ACSL1: variants seen among roughly 807,000 people sequenced by gnomAD.
ACSL1 encodes the protein long-chain-fatty-acid--CoA ligase 1.
In ACSL1, 41 loss-of-function variants were observed where a neutral mutation model predicts 98.4. That is an observed-to-expected ratio of 0.42 (90% CI 0.32 to 0.54). The LOEUF (loss-of-function observed/expected upper bound fraction) is 0.54, where lower values mean the gene tolerates loss of function less well. Among genes scored for constraint, ACSL1 ranks in the 20% least tolerant of loss-of-function variants. ACSL1 has a pLI of 0.13. For synonymous variants in ACSL1, 316 were observed against 322.7 expected (o/e 0.98, Z 0.22); for missense variants, 734 against 883.1 (o/e 0.83, Z 2.14).
At chr4:184,787,596 A>G (rs4862420) in intron 3 of ACSL1, among the ~76,000 whole-genome samples, 151,871 of 152,322 alleles carry the variant, frequency 1, 75,712 homozygotes, top group Non-Finnish European at 1. Context: ...GGGCATGGTG[A>G]CTCGCGCCTG....
chr4:184,777,906 A>G (rs1765562578), intron 5 of ACSL1, among the ~76,000 whole-genome samples: 1 of 152,194 alleles, frequency 6.6e-6, no homozygotes, highest in Non-Finnish European at 1.5e-5. Flanking sequence ...GAGAGCACGG[A>G]GCAGCCACTG....
chr4:184,793,196 A>G lies in ACSL1; in HGVS notation c.196-4465T>C, dbSNP rs907720928. Reference sequence around the variant, plus strand: ...TGTGGTTACATAGTGTTCCCAGTTAAAAAAAAAAAAAAAAAAGATAGTGAG... The same window carrying G: ...TGTGGTTACATAGTGTTCCCAGTTAGAAAAAAAAAAAAAAAAGATAGTGAG... On this transcript the variant is annotated intron_variant, in intron 2 of 20. Coordinates refer to ENST00000281455, the MANE Select transcript of ACSL1 (RefSeq NM_001995.5). 9.2e-5 allele frequency among the ~76,000 whole-genome samples: 4 copies of G among 43,520 alleles called. No individual in the cohort carries two copies. In the East Asian group the frequency reaches 1.5e-3, roughly 16 times the overall value. 28.6% of individuals were successfully genotyped at this position (43,520 alleles called of 152,430 possible).
At chr4:184,764,333 T>C (rs572199348) in intron 15 of ACSL1, among the ~76,000 whole-genome samples, 1 of 152,366 alleles carries the variant, frequency 6.6e-6, no homozygotes, top group African/African-American at 2.4e-5. Context: ...TAAGCACCCA[T>C]CACAGAGGCT....
Position 184,803,295 on chromosome 4 carries a change from G to A in ACSL1, c.195+25C>T, listed in dbSNP as rs368299250. On this transcript the variant is annotated intron_variant, in intron 2 of 20. Coordinates refer to ENST00000281455, the MANE Select transcript of ACSL1 (RefSeq NM_001995.5). This position sits in a 1 kb window ranked among gnomAD's most constrained non-coding sequence, Gnocchi z 4.8. ...CTGGGGAAATGCGGAGAAAACGCAC[G>A]AGGCAGGCTGGGCCCTCCACTCACC... 20 of 1,507,878 alleles carry A rather than the reference G, an allele frequency of 1.3e-5. No homozygotes were observed. Among genetic ancestry groups the A allele is most frequent in the East Asian group, 7.1e-5 (3 of 42,378 alleles). The allele number at this position is 1,507,878 out of a possible 1,614,324, so 93.4% of individuals were successfully genotyped here. A position where few individuals can be genotyped will look rare whatever the true frequency, so the allele number is the denominator to read the frequency against.
chr4:184,797,833 T>A (rs955815086), intron 2 of ACSL1, among the ~76,000 whole-genome samples: 2 of 152,186 alleles, frequency 1.3e-5, no homozygotes, highest in African/African-American at 4.8e-5. Flanking sequence ...GTGCACATCA[T>A]GCCAGAAAAA....
At chr4:184,764,348 C>A (rs1763268237) in intron 15 of ACSL1, among the ~76,000 whole-genome samples, 1 of 152,236 alleles carries the variant, frequency 6.6e-6, no homozygotes, top group Non-Finnish European at 1.5e-5. Flanking sequence ...GAGGCTTACC[C>A]ATGACAGATG....
At chr4:184,793,873 G>A (rs767727733) in intron 2 of ACSL1, among the ~76,000 whole-genome samples, 12 of 152,116 alleles carry the variant, frequency 7.9e-5, no homozygotes, top group Non-Finnish European at 1.3e-4. Context: ...TTCCCCTTCA[G>A]GATACCCAAA....
chr4:184,779,277 A>G (rs1765813776), intron 5 of ACSL1, among the ~76,000 whole-genome samples: 1 of 152,112 alleles, frequency 6.6e-6, no homozygotes, highest in African/African-American at 2.4e-5. Context: ...AGTAAGTTTC[A>G]TGAGATCTGA....
At chr4:184,788,595 G>C (rs373374909) in intron 3 of ACSL1, 22 bp downstream of exon 3, 94 of 1,584,196 alleles carry the variant, frequency 5.9e-5, no homozygotes, top group Non-Finnish European at 7.6e-5. Flanking sequence ...CGGGAGCCAC[G>C]CAAATGCAGG....
Position 184,773,934 on chromosome 4 carries a change from G to A in ACSL1, c.757-59C>T. On this transcript the variant is annotated intron_variant, in intron 7 of 20. Transcript: ENST00000281455. This position sits in a 1 kb window ranked among gnomAD's most constrained non-coding sequence, Gnocchi z 4.3. ...AACGTTTTCTAACTGTAAAGGATAA[G>A]GTCACATCGAGTCACTTAAAGCTGG... is the stretch of plus-strand genomic sequence containing the variant. The A allele has an allele frequency of 1.9e-6, 3 of 1,594,348 alleles. No individual in the cohort carries two copies. Among genetic ancestry groups the A allele is most frequent in the South Asian group, 1.1e-5 (1 of 90,054 alleles).
At chr4:184,812,822 CA>C (rs780533199) in intron 1 of ACSL1, among the ~76,000 whole-genome samples, 14 of 152,058 alleles carry the variant, frequency 9.2e-5, no homozygotes, top group Non-Finnish European at 1.9e-4. Flanking sequence ...AGCCCCATAC[CA>C]GGGCTGGACT....
chr4:184,824,819 A>C (rs1187600845), intron 1 of ACSL1, among the ~76,000 whole-genome samples: 1 of 152,106 alleles, frequency 6.6e-6, no homozygotes, highest in Non-Finnish European at 1.5e-5. Flanking sequence ...TTCCACGTCC[A>C]CTTGAAAAAA....
At chr4:184,812,871 C>T (rs1772260502) in intron 1 of ACSL1, among the ~76,000 whole-genome samples, 1 of 152,104 alleles carries the variant, frequency 6.6e-6, no homozygotes, top group Non-Finnish European at 1.5e-5. Context: ...AAAAGAGAAT[C>T]TTCCAAACCA....
Position 184,825,358 on chromosome 4 carries a change from GAGA to G in ACSL1, c.-33+555_-33+557del. The G allele has an allele frequency of 1.8e-6, 1 of 550,906 alleles. No homozygotes were observed. Among genetic ancestry groups the G allele is most frequent in the Non-Finnish European group, 2.3e-6 (1 of 433,120 alleles). The allele number at this position is 550,906 out of a possible 1,614,324, so 34.1% of individuals were successfully genotyped here. A position where few individuals can be genotyped will look rare whatever the true frequency, so the allele number is the denominator to read the frequency against. On this transcript the variant is annotated intron_variant, in intron 1 of 20. Coordinates refer to ENST00000281455, the MANE Select transcript of ACSL1 (RefSeq NM_001995.5). This position sits in a 1 kb window ranked among gnomAD's most constrained non-coding sequence, Gnocchi z 4.7. Reference sequence around the variant, plus strand: ...ACGGGCACTCCTCTGGAGTCACCGAGAGAATGTCTGCCTCTGGCAGCGGCCTCT... The same window carrying G: ...ACGGGCACTCCTCTGGAGTCACCGAGATGTCTGCCTCTGGCAGCGGCCTCT...
intron 2 of ACSL1, among the ~76,000 whole-genome samples, chr4:184,794,903 T>C (rs56092939): frequency 0.11 from 15,348 of 142,836 alleles, 949 homozygotes; most frequent in Non-Finnish European, 0.14. Flanking sequence ...AGTTTCCAAC[T>C]TCCCGGCTCC....
chr4:184,760,293 C>A, intron 18 of ACSL1, 64 bp downstream of exon 18: 5 of 1,564,456 alleles, frequency 3.2e-6, no homozygotes, highest in African/African-American at 1.4e-5. Context: ...ACATTTAAAG[C>A]CCCTGGAGTA....
chr4:184,781,038 C>T (rs1304921329), intron 4 of ACSL1, among the ~76,000 whole-genome samples: 3 of 151,932 alleles, frequency 2.0e-5, no homozygotes, highest in African/African-American at 7.3e-5. Flanking sequence ...AGTTCGAGGC[C>T]AGCCTGGCCA....
intron 1 of ACSL1, among the ~76,000 whole-genome samples, chr4:184,806,991 G>A (rs555417058): frequency 6.6e-6 from 1 of 152,316 alleles, no homozygotes; most frequent in South Asian, 2.1e-4. Context: ...GACACTGATA[G>A]CATTATAAAT....
intron 2 of ACSL1, among the ~76,000 whole-genome samples, chr4:184,789,719 C>T (rs1768014733): frequency 6.6e-6 from 1 of 152,172 alleles, no homozygotes; most frequent in South Asian, 2.1e-4. Context: ...TAGCCTCCCA[C>T]AGTAGCAGCA....
Sources: allele counts gnomAD v4.1 joint callset (sites outside exome capture counted in the v4.1 genomes callset), GRCh38; gene constraint gnomAD v4.1.1; non-coding constraint Gnocchi (gnomAD v3.1); transcripts MANE v1.5; gene names NCBI Gene and HGNC (gene_info 2026-07-23, HGNC 2026-07-21).